Variants in RAD54L2 observed in about 807,000 individuals in gnomAD.
The protein encoded by RAD54L2 is RAD54 like 2, also known as helicase ARIP4.
A neutral mutation model predicts 138.4 loss-of-function variants in RAD54L2; 27 were observed. The observed-to-expected ratio is 0.20, with a 90% CI of 0.14 to 0.27. The LOEUF (loss-of-function observed/expected upper bound fraction) is 0.27. Among genes scored for constraint, RAD54L2 ranks in the 10% least tolerant of loss-of-function variants. RAD54L2 has a pLI of 1.00. For missense variants in RAD54L2, 1,396 were observed against 1,890.2 expected, an observed-to-expected ratio of 0.74 and a Z score of 4.85; for synonymous variants, 644 against 723.2, an observed-to-expected ratio of 0.89 and a Z score of 1.76.
chr3:51,604,290 A>AT, intron 3 of RAD54L2, among the ~76,000 whole-genome samples: 1 of 152,252 alleles, frequency 6.6e-6, no homozygotes, highest in East Asian at 1.9e-4. Flanking sequence ...TCCATCTGGA[A>AT]TTGATTTTTG....
chr3:51,589,145 G>T (rs1443536425), intron 2 of RAD54L2, among the ~76,000 whole-genome samples: 1 of 152,172 alleles, frequency 6.6e-6, no homozygotes, highest in Admixed American at 6.6e-5. Context: ...ATCGTAAGTT[G>T]AAAATATTGT....
chr3:51,552,830 G>C (rs1440022698), intron 2 of RAD54L2, among the ~76,000 whole-genome samples: 1 of 152,118 alleles, frequency 6.6e-6, no homozygotes, highest in Admixed American at 6.6e-5. Flanking sequence ...CAAGTGTTGG[G>C]ATTACAGGTG....
In RAD54L2 at chr3:51,637,268, C is replaced by T. The variant is rs759748658; in HGVS notation, c.1447C>T (p.Arg483Cys). Reference sequence around the variant, plus strand: ...CACCTCACAGGCTCTGAAGAATATCCGCTCTCGCCGCCGGGTGGTGCTGAC... The same window carrying T: ...CACCTCACAGGCTCTGAAGAATATCTGCTCTCGCCGCCGGGTGGTGCTGAC... ...ASTSQALKNI[R>C]SRRRVVLTGY... The change falls in exon 11 of 23, where the codon CGC becomes TGC. Residue 483 changes from arginine (R) to cysteine (C), a missense_variant. Around this residue, in one of 7 missense-constraint regions of RAD54L2, gnomAD observed 169 missense variants for 235.6 expected, o/e 0.72. Coordinates refer to ENST00000684192, the MANE Select transcript of RAD54L2 (RefSeq NM_015106.4). The surrounding 1 kb of genome is among the most constrained non-coding windows in gnomAD (Gnocchi z 5.9). 1.4e-5 allele frequency: 22 copies of T among 1,606,240 alleles called. No individual in the cohort carries two copies. Among genetic ancestry groups the T allele is most frequent in the African/African-American group, 6.7e-5 (5 of 74,780 alleles).
At chr3:51,623,690 C>T (rs1162758529) in intron 3 of RAD54L2, among the ~76,000 whole-genome samples, 2 of 152,066 alleles carry the variant, frequency 1.3e-5, no homozygotes, top group Non-Finnish European at 2.9e-5. Context: ...ATTAGGGGAG[C>T]AAAGGCTGGG....
At chr3:51,626,081 C>T (rs1310675792) in intron 3 of RAD54L2, among the ~76,000 whole-genome samples, 6 of 151,820 alleles carry the variant, frequency 4.0e-5, no homozygotes, top group Non-Finnish European at 7.4e-5. Flanking sequence ...CCAACCCCGC[C>T]GACCCCACCA....
chr3:51,661,636 A>G (rs1169525731), intron 22 of RAD54L2, among the ~76,000 whole-genome samples: 1 of 152,236 alleles, frequency 6.6e-6, no homozygotes, highest in Non-Finnish European at 1.5e-5. Context: ...AGAATGCTAG[A>G]GGGCTAGAAT....
intron 2 of RAD54L2, among the ~76,000 whole-genome samples, chr3:51,565,973 C>T (rs1321396709): frequency 6.6e-6 from 1 of 151,722 alleles, no homozygotes; most frequent in South Asian, 2.1e-4. Flanking sequence ...GGACTACAGG[C>T]GCCCGCCACC....
chr3:51,564,101 C>T (rs894861142), intron 2 of RAD54L2, among the ~76,000 whole-genome samples: 20 of 152,204 alleles, frequency 1.3e-4, no homozygotes, highest in African/African-American at 3.6e-4. Flanking sequence ...TGTATAGATA[C>T]AAACCCTTCT....
At chr3:51,571,295 C>G (rs1276859734) in intron 2 of RAD54L2, among the ~76,000 whole-genome samples, 2 of 151,922 alleles carry the variant, frequency 1.3e-5, no homozygotes, top group Non-Finnish European at 2.9e-5. Flanking sequence ...ACAATATTTC[C>G]TGACCATAAG....
At chr3:51,568,872 T>C (rs1477495983) in intron 2 of RAD54L2, among the ~76,000 whole-genome samples, 2 of 152,232 alleles carry the variant, frequency 1.3e-5, no homozygotes, top group Admixed American at 1.3e-4. Context: ...ATTTGGTGTT[T>C]ATTCAAATTG....
chr3:51,563,766 T>A (rs1042143050), intron 2 of RAD54L2, among the ~76,000 whole-genome samples: 1 of 152,212 alleles, frequency 6.6e-6, no homozygotes, highest in Non-Finnish European at 1.5e-5. Context: ...AGCCTGCAGA[T>A]AATGAAAGTG....
At chr3:51,578,930 G>A (rs1559623632) in intron 2 of RAD54L2, among the ~76,000 whole-genome samples, 1 of 152,166 alleles carries the variant, frequency 6.6e-6, no homozygotes, top group Non-Finnish European at 1.5e-5. Flanking sequence ...AATTGAAGGT[G>A]GTAAATGTGG....
intron 3 of RAD54L2, among the ~76,000 whole-genome samples, chr3:51,594,545 T>C (rs1699916918): frequency 6.6e-6 from 1 of 152,208 alleles, no homozygotes; most frequent in Non-Finnish European, 1.5e-5. Flanking sequence ...CCAATGCTGC[T>C]TCTGAGACCA....
chr3:51,580,278 C>T (rs185286470), intron 2 of RAD54L2, among the ~76,000 whole-genome samples: 4 of 152,260 alleles, frequency 2.6e-5, no homozygotes, highest in East Asian at 1.9e-4. Context: ...AACTCAGGAA[C>T]GGTGAAGTGG....
intron 3 of RAD54L2, among the ~76,000 whole-genome samples, chr3:51,613,168 A>C (rs116325276): frequency 6.6e-6 from 1 of 151,808 alleles, no homozygotes; most frequent in Admixed American, 6.6e-5. Context: ...TCTCCATCTG[A>C]CCTTGTGATC....
At position 51,638,082 on chromosome 3, in the gene RAD54L2, A is replaced by G. The variant is rs898081910; in HGVS notation, c.1683-62A>G. The G allele has an allele frequency of 3.1e-5, 47 of 1,518,536 alleles. No homozygotes were observed. Among genetic ancestry groups the G allele is most frequent in the Middle Eastern group, 3.4e-4 (2 of 5,840 alleles). 94.1% of individuals were successfully genotyped at this position (1,518,536 alleles called of 1,614,324 possible). A position where few individuals can be genotyped will look rare whatever the true frequency, so the allele number is the denominator to read the frequency against. ...CAGGAGTGCAAAAGGCTCTGTTTTT[A>G]TCTTGTGCTGACCCCTCCTGGCCAC... On this transcript the variant is annotated intron_variant, in intron 11 of 22. Transcript: ENST00000684192. This position sits in a 1 kb window ranked among gnomAD's most constrained non-coding sequence, Gnocchi z 4.3.
chr3:51,581,789 A>T (rs1231091923), intron 2 of RAD54L2, among the ~76,000 whole-genome samples: 1 of 152,104 alleles, frequency 6.6e-6, no homozygotes, highest in East Asian at 1.9e-4. Context: ...CTTCAGTCTC[A>T]TTGTCTAGCA....
intron 21 of RAD54L2, 94 bp downstream of exon 21, chr3:51,657,763 C>A (rs1013615784): frequency 4.7e-6 from 4 of 844,418 alleles, no homozygotes; most frequent in South Asian, 1.5e-5. Flanking sequence ...CTAGACGGGT[C>A]ATAGGAATCA....
chr3:51,652,286 CACAA>C (rs1354338555), intron 19 of RAD54L2, among the ~76,000 whole-genome samples: 1 of 152,154 alleles, frequency 6.6e-6, no homozygotes, highest in Non-Finnish European at 1.5e-5. Flanking sequence ...TAAAAGAGGA[CACAA>C]ACAAATAGAA....
Sources: allele counts gnomAD v4.1 joint callset (sites outside exome capture counted in the v4.1 genomes callset), GRCh38; gene constraint gnomAD v4.1.1; regional missense constraint gnomAD v4.1.1; non-coding constraint Gnocchi (gnomAD v3.1); transcripts MANE v1.5; gene names NCBI Gene and HGNC (gene_info 2026-07-23, HGNC 2026-07-21).